Variants in IL13RA1 observed in about 807,000 individuals in gnomAD.
The protein encoded by IL13RA1 is interleukin 13 receptor subunit alpha 1, also known as interleukin-13 receptor subunit alpha-1.
IL13RA1 carries 14 observed loss-of-function variants against 33.8 expected under a neutral mutation model. The ratio of observed to expected loss-of-function variants is 0.41; its 90% CI spans 0.27 to 0.65. The LOEUF is 0.65. IL13RA1 is among the 30% of genes least tolerant of loss of function. IL13RA1 has a pLI of 0.28. For synonymous variants in IL13RA1, 116 were observed against 115.7 expected, an observed-to-expected ratio of 1.00 and a Z score of -0.02; for missense variants, 313 against 327.0, an observed-to-expected ratio of 0.96 and a Z score of 0.33.
chrX:118,803,591 A>G, the IL13RA1 span, among the ~76,000 whole-genome samples: 3 of 112,226 alleles, frequency 2.7e-5, no homozygotes, highest in Non-Finnish European at 5.6e-5. Flanking sequence ...CAATTGTCTC[A>G]TAAGTCTTTT....
chrX:118,789,602 G>A (rs1296437516), intron 10 of IL13RA1, among the ~76,000 whole-genome samples: 3 of 111,348 alleles, frequency 2.7e-5, no homozygotes, highest in African/African-American at 6.5e-5. Flanking sequence ...AGCTCTTTAC[G>A]TATTAGATAT....
At chrX:118,771,221 C>G (rs1352012515) in intron 8 of IL13RA1, among the ~76,000 whole-genome samples, 1 of 105,282 alleles carries the variant, frequency 9.5e-6, no homozygotes, top group Admixed American at 1.1e-4. Context: ...TCAAATAACT[C>G]AATCAAGATC....
At chrX:118,785,919 T>G (rs1050409565) in intron 10 of IL13RA1, among the ~76,000 whole-genome samples, 1 of 111,873 alleles carries the variant, frequency 8.9e-6, no homozygotes, top group Non-Finnish European at 1.9e-5. Flanking sequence ...ATTTCTGAGT[T>G]GTTTATATTG....
intron 10 of IL13RA1, among the ~76,000 whole-genome samples, chrX:118,782,684 A>G (rs984554247): frequency 7.3e-5 from 8 of 109,224 alleles, no homozygotes; most frequent in African/African-American, 2.7e-4. Context: ...TGCAGCCTCA[A>G]CCTCCTGGGC....
chrX:118,766,892 A>G lies in IL13RA1; in HGVS notation c.925A>G (p.Thr309Ala), dbSNP rs774467707. The G allele has an allele frequency of 1.2e-5, 13 of 1,071,665 alleles. No individual in the cohort carries two copies. Among genetic ancestry groups the G allele is most frequent in the African/African-American group, 1.8e-5 (1 of 54,690 alleles). The allele number at this position is 1,071,665 out of a possible 1,213,427, so 88.3% of individuals were successfully genotyped here. A position where few individuals can be genotyped will look rare whatever the true frequency, so the allele number is the denominator to read the frequency against. Residue 309 changes from threonine (T) to alanine (A), a missense_variant, in exon 8 of 11, where the codon ACA (threonine) becomes GCA (alanine). Physicochemically the swap from Thr to Ala is moderately conservative, Grantham distance 58. Coordinates refer to ENST00000371666, the MANE Select transcript of IL13RA1 (RefSeq NM_001560.3). Reference sequence around the variant, plus strand: ...TGGTGTTCTTCCTGATACTTTGAACACAGTCAGAATAAGAGTCAAAACAAA... The same window carrying G: ...TGGTGTTCTTCCTGATACTTTGAACGCAGTCAGAATAAGAGTCAAAACAAA... ...VPGVLPDTLN[T>A]VRIRVKTNKL...
At chrX:118,751,073 C>T (rs1422974952) in intron 4 of IL13RA1, among the ~76,000 whole-genome samples, 1 of 112,194 alleles carries the variant, frequency 8.9e-6, no homozygotes, top group Non-Finnish European at 1.9e-5. Flanking sequence ...TCCCAAAGTG[C>T]TGGGATTACA....
At chrX:118,781,608 T>C (rs2017844323) in intron 10 of IL13RA1, among the ~76,000 whole-genome samples, 1 of 112,897 alleles carries the variant, frequency 8.9e-6, no homozygotes, top group African/African-American at 3.2e-5. Flanking sequence ...CGCCTTGGCC[T>C]CCCAAAGTGC....
the IL13RA1 span, among the ~76,000 whole-genome samples, chrX:118,805,157 G>T: frequency 1.8e-5 from 2 of 111,874 alleles, no homozygotes; most frequent in Admixed American, 9.5e-5. Flanking sequence ...GTTGGTCAGG[G>T]AGATGGAATT....
At chrX:118,747,736 A>G (rs1281319770) in intron 3 of IL13RA1, among the ~76,000 whole-genome samples, 5 of 110,706 alleles carry the variant, frequency 4.5e-5, no homozygotes, top group African/African-American at 1.6e-4. Context: ...ACCTCTCCCA[A>G]TGTCCTTCTG....
At chrX:118,784,799 C>T (rs2017897640) in intron 10 of IL13RA1, among the ~76,000 whole-genome samples, 3 of 111,733 alleles carry the variant, frequency 2.7e-5, no homozygotes, top group Non-Finnish European at 5.6e-5. Flanking sequence ...ATAGGTCCTG[C>T]GTTGCGTATC....
intron 8 of IL13RA1, among the ~76,000 whole-genome samples, chrX:118,768,555 T>C (rs1394805623): frequency 5.3e-5 from 6 of 112,398 alleles, no homozygotes; most frequent in Admixed American, 4.7e-4. Context: ...CCAACCCCGG[T>C]ACCTGTGAAT....
intron 1 of IL13RA1, among the ~76,000 whole-genome samples, chrX:118,731,774 A>G (rs2017223236): frequency 1.8e-5 from 2 of 112,062 alleles, no homozygotes; most frequent in African/African-American, 6.5e-5. Context: ...AAACTGAGAA[A>G]TAGAGAGGTT....
chrX:118,732,213 C>T (rs887675545), intron 1 of IL13RA1, among the ~76,000 whole-genome samples: 1 of 110,422 alleles, frequency 9.1e-6, no homozygotes, highest in African/African-American at 3.3e-5. Context: ...TCCTCATTTT[C>T]CCCTGCCCCT....
intron 10 of IL13RA1, among the ~76,000 whole-genome samples, chrX:118,785,476 A>G (rs777273229): frequency 8.9e-6 from 1 of 111,864 alleles, no homozygotes; most frequent in East Asian, 2.8e-4. Flanking sequence ...TTTTTAATCT[A>G]TTTAAGATCT....
intron 2 of IL13RA1, among the ~76,000 whole-genome samples, 178 bp downstream of exon 2, chrX:118,741,334 T>C (rs2017342183): frequency 1.8e-5 from 2 of 112,435 alleles, no homozygotes; most frequent in Admixed American, 1.9e-4. Context: ...CTTAAAAATA[T>C]TTGCTAATTA....
intron 1 of IL13RA1, 82 bp downstream of exon 1, chrX:118,727,808 A>C: frequency 1.5e-5 from 6 of 410,429 alleles, no homozygotes; most frequent in African/African-American, 2.6e-5. Flanking sequence ...CCGGAGGTCA[A>C]CGCCGGGCGG....
At chrX:118,754,961 T>C (rs2017512672) in intron 4 of IL13RA1, among the ~76,000 whole-genome samples, 1 of 101,508 alleles carries the variant, frequency 9.9e-6, no homozygotes, top group Non-Finnish European at 2.0e-5. Flanking sequence ...TCTTTTTTTT[T>C]TTTTTGGAGA....
At chrX:118,798,182 A>G (rs980355818), downstream of IL13RA1, among the ~76,000 whole-genome samples, 1 of 111,538 alleles carries the variant, frequency 9.0e-6, no homozygotes, top group African/African-American at 3.3e-5. Context: ...ACATACTCAC[A>G]CTTCTCTTCC....
In IL13RA1 at chrX:118,749,768, C is replaced by G; in HGVS notation, c.478C>G (p.Leu160Val). 8.6e-7 allele frequency: 1 copy of G among 1,164,088 alleles called. No individual in the cohort carries two copies. The highest frequency in any genetic ancestry group is 1.8e-5 in the South Asian group (1 of 55,863). ...RNTSPDTNYT[L>V]YYWHRSLEKI... The stretch of plus-strand genomic sequence containing the variant: ...TACCAGTCCCGACACTAACTATACT[C>G]TCTACTATTGGTGAGTATGTACAGT... The change falls in exon 4 of 11, where the codon CTC (leucine) becomes GTC (valine). Residue 160 changes from leucine (L) to valine (V), a missense_variant. Physicochemically the swap from Leu to Val is conservative, Grantham distance 32. Coordinates refer to ENST00000371666, the MANE Select transcript of IL13RA1 (RefSeq NM_001560.3).
Sources: allele counts gnomAD v4.1 joint callset (sites outside exome capture counted in the v4.1 genomes callset), GRCh38; gene constraint gnomAD v4.1.1; transcripts MANE v1.5; gene names NCBI Gene and HGNC (gene_info 2026-07-23, HGNC 2026-07-21).